Variants in HNF1A observed in about 807,000 individuals in gnomAD.
The protein encoded by HNF1A is hepatocyte nuclear factor 1-alpha.
A neutral mutation model predicts 62.2 loss-of-function variants in HNF1A; 21 were observed. That is an observed-to-expected ratio of 0.34 (90% CI 0.24 to 0.49). The LOEUF is 0.49. Among genes scored for constraint, HNF1A ranks in the 20% least tolerant of loss-of-function variants. HNF1A has a pLI of 0.99. For synonymous variants in HNF1A, 374 were observed against 366.8 expected (o/e 1.02, Z -0.22); for missense variants, 687 against 832.3 (o/e 0.83, Z 2.15).
rs201694197 is a variant in HNF1A, at chr12:120,997,664, C to T, written c.1500C>T (p.His500=). 249 of 1,609,674 alleles carry T rather than the reference C, an allele frequency of 1.5e-4. 1 individual carries two copies. The highest frequency in any genetic ancestry group is 3.5e-4 in the Admixed American group (21 of 59,472). ...CCATGGCTCAGCTGCAGAGCCCCCA[C>T]GGTGAGCGCCCTGTGCCCCACACAG... The part of the protein sequence containing the change: ...MATMAQLQSP[H]ALYSHKPEVA... Residue 500 remains histidine, a splice_region_variant and synonymous_variant, in exon 7 of 10, where the codon CAC becomes CAT. Transcript: ENST00000257555.
At chr12:120,991,753 A>C (rs1876853307) in intron 2 of HNF1A, among the ~76,000 whole-genome samples, 2 of 152,190 alleles carry the variant, frequency 1.3e-5, no homozygotes, top group South Asian at 4.1e-4. Flanking sequence ...CACTTGGAAA[A>C]ACAGTACATT....
In HNF1A at chr12:120,989,681, A is replaced by G. The variant is rs534116446; in HGVS notation, c.526+649A>G. Among the ~76,000 whole-genome samples, 7 of 152,332 alleles carry G rather than the reference A, an allele frequency of 4.6e-5. No individual in the cohort carries two copies. In the East Asian group the frequency reaches 9.6e-4, roughly 21 times the overall value. On this transcript the variant is annotated intron_variant, in intron 2 of 9. Coordinates refer to ENST00000257555, the MANE Select transcript of HNF1A (RefSeq NM_000545.8). ...AGCCACAACAACAACAATAATGGCC[A>G]CTATTTATCATGCATTTTTGGGGTG... is the stretch of plus-strand genomic sequence containing the variant.
intron 1 of HNF1A, among the ~76,000 whole-genome samples, chr12:120,987,435 A>C: frequency 6.8e-6 from 1 of 148,054 alleles, no homozygotes; most frequent in African/African-American, 2.5e-5. Flanking sequence ...AGATCGCGCC[A>C]CTGCACTCGA....
chr12:121,000,639 C>T (rs897738065), intron 9 of HNF1A: 2 of 249,648 alleles, frequency 8.0e-6, no homozygotes, highest in Non-Finnish European at 1.6e-5. Context: ...GGTTTTTGCT[C>T]TTACGGCCTT....
At chr12:120,999,242 T>G (rs557017020) in intron 7 of HNF1A, 26 bp from the exon 8 acceptor site, 2 of 1,613,692 alleles carry the variant, frequency 1.2e-6, no homozygotes, top group East Asian at 4.5e-5. Flanking sequence ...GTCTGCCACG[T>G]CTGCCCCTCT....
Position 120,996,663 on chromosome 12 carries a change from G to C in HNF1A, c.1230G>C (p.Gly410=), listed in dbSNP as rs146605400. The change falls in exon 6 of 10, where the codon GGG becomes GGC. Residue 410 remains glycine, a synonymous_variant. Transcript: ENST00000257555. The surrounding 1 kb of genome is among the most constrained non-coding windows in gnomAD (Gnocchi z 4.5). ...ACCTCATCATGGCCTCACTTCCTGG[G>C]GTCATGACCATCGGGCCTGGTGAGC... ...PQNLIMASLP[G]VMTIGPGEPA... 4 of 1,613,898 alleles carry C rather than the reference G, an allele frequency of 2.5e-6. No individual in the cohort carries two copies. Among genetic ancestry groups the C allele is most frequent in the African/African-American group, 1.3e-5 (1 of 74,870 alleles).
intron 1 of HNF1A, among the ~76,000 whole-genome samples, chr12:120,983,570 G>T (rs1484911744): frequency 6.7e-6 from 1 of 149,650 alleles, no homozygotes; most frequent in Non-Finnish European, 1.5e-5. Flanking sequence ...TTTTGAGATG[G>T]AGTCTCACTC....
At chr12:120,991,293 G>GA (rs940092417) in intron 2 of HNF1A, among the ~76,000 whole-genome samples, 27 of 150,050 alleles carry the variant, frequency 1.8e-4, no homozygotes, top group East Asian at 7.7e-4. Flanking sequence ...AATCACTGTT[G>GA]AAAAAAAAAA....
Position 121,002,223 on chromosome 12 carries a change from C to T in HNF1A, c.*1031C>T, listed in dbSNP as rs1877546223. 1 of 443,710 alleles carries T rather than the reference C, an allele frequency of 2.3e-6. No individual in the cohort carries two copies. The highest frequency in any genetic ancestry group is 2.0e-5 in the African/African-American group (1 of 50,786). The allele number at this position is 443,710 out of a possible 1,614,324, so 27.5% of individuals were successfully genotyped here. A position where few individuals can be genotyped will look rare whatever the true frequency, so the allele number is the denominator to read the frequency against. On this transcript the variant is annotated 3_prime_UTR_variant, in exon 10 of 10. Coordinates refer to ENST00000257555, the MANE Select transcript of HNF1A (RefSeq NM_000545.8). ...GAGCTACCTGTGTGGACAGGACTAA[C>T]ACTCAGAAGCCTGGGGGCCTGGCTG... is the stretch of plus-strand genomic sequence containing the variant.
In HNF1A at chr12:120,999,560, C is replaced by T. The variant is rs1036292246; in HGVS notation, c.1701C>T (p.Val567=). The T allele has an allele frequency of 1.2e-6, 2 of 1,612,856 alleles. No individual in the cohort carries two copies. Among genetic ancestry groups the T allele is most frequent in the African/African-American group, 2.7e-5 (2 of 74,930 alleles). Residue 567 remains valine (V), a synonymous_variant, in exon 9 of 10, where the codon GTC becomes GTT. Transcript: ENST00000257555. Reference sequence around the variant, plus strand: ...CATCTCAGGCCACCACCCTCCACGTCCCCAGCCAGGACCCTGCCAGCATCC... The same window carrying T: ...CATCTCAGGCCACCACCCTCCACGTTCCCAGCCAGGACCCTGCCAGCATCC... ...TPASQATTLH[V]PSQDPASIQH...
intron 9 of HNF1A, among the ~76,000 whole-genome samples, chr12:120,999,872 G>C (rs1472286719): frequency 6.6e-6 from 1 of 152,190 alleles, no homozygotes; most frequent in Non-Finnish European, 1.5e-5. Context: ...TGAGGAAAAT[G>C]ATGAAGTAAT....
chr12:120,986,079 CCTT>C (rs2135828428), intron 1 of HNF1A, among the ~76,000 whole-genome samples: 1 of 152,256 alleles, frequency 6.6e-6, no homozygotes, highest in East Asian at 1.9e-4. Context: ...AGAAAACTGT[CCTT>C]CTCACTCCCA....
chr12:120,978,798 G>A lies in HNF1A; in HGVS notation c.30G>A (p.Thr10=), dbSNP rs746020457. The change falls in exon 1 of 10, where the codon ACG becomes ACA. Residue 10 remains threonine (T), a synonymous_variant. Coordinates refer to ENST00000257555, the MANE Select transcript of HNF1A (RefSeq NM_000545.8). MVSKLSQLQ[T]ELLAALLESG... Reference sequence around the variant, plus strand: ...TTTCTAAACTGAGCCAGCTGCAGACGGAGCTCCTGGCGGCCCTGCTCGAGT... The same window carrying A: ...TTTCTAAACTGAGCCAGCTGCAGACAGAGCTCCTGGCGGCCCTGCTCGAGT... 98 of 1,612,978 alleles carry A rather than the reference G, an allele frequency of 6.1e-5. No homozygotes were observed. The highest frequency in any genetic ancestry group is 7.6e-5 in the Non-Finnish European group (90 of 1,179,882).
chr12:120,997,626 C>A lies in HNF1A; in HGVS notation c.1462C>A (p.Pro488Thr). The A allele has an allele frequency of 6.2e-7, 1 of 1,613,300 alleles. No individual in the cohort carries two copies. Among genetic ancestry groups the A allele is most frequent in the Non-Finnish European group, 8.5e-7 (1 of 1,179,746 alleles). Residue 488 changes from proline to threonine, a missense_variant, in exon 7 of 10, where the codon CCC becomes ACC. Pro to Thr is a conservative substitution (Grantham distance 38). Transcript: ENST00000257555. ...PPVQSHVTQS[P>T]FMATMAQLQS... is the part of the protein sequence containing the mutation. Reference sequence around the variant, plus strand: ...TGTGCAGAGCCATGTGACCCAGAGCCCCTTCATGGCCACCATGGCTCAGCT... The same window carrying A: ...TGTGCAGAGCCATGTGACCCAGAGCACCTTCATGGCCACCATGGCTCAGCT...
chr12:120,995,098 T>G (rs1373555376), intron 4 of HNF1A, among the ~76,000 whole-genome samples: 3 of 117,408 alleles, frequency 2.6e-5, no homozygotes, highest in Admixed American at 8.5e-5. Context: ...ACTCCATTCA[T>G]TCCACTCCAT....
rs1398329188 is a variant in HNF1A, at chr12:121,001,608, C to G, written c.*416C>G. 6.8e-6 allele frequency: 3 copies of G among 439,884 alleles called. No homozygotes were observed. The highest frequency in any genetic ancestry group is 5.9e-5 in the African/African-American group (3 of 50,748). 27.2% of individuals were successfully genotyped at this position (439,884 alleles called of 1,614,324 possible). Reference sequence around the variant, plus strand: ...GGACACAGGCCTGTGTAGCTGTGACCTGCTGAGCTCTGAGAGGCCCTGGAT... The same window carrying G: ...GGACACAGGCCTGTGTAGCTGTGACGTGCTGAGCTCTGAGAGGCCCTGGAT... On this transcript the variant is annotated 3_prime_UTR_variant, in exon 10 of 10. Transcript: ENST00000257555.
At chr12:120,998,662 G>C (rs1009001837) in intron 7 of HNF1A, among the ~76,000 whole-genome samples, 1 of 152,158 alleles carries the variant, frequency 6.6e-6, no homozygotes, top group African/African-American at 2.4e-5. Context: ...CCTAGTGTCT[G>C]TGTGTCTCTT....
chr12:120,994,027 A>C, intron 3 of HNF1A, 137 bp from the exon 4 acceptor site: 1 of 1,168,884 alleles, frequency 8.6e-7, no homozygotes. Context: ...GTCACACAGC[A>C]GACCTGGCAT....
Position 120,996,272 on chromosome 12 carries a change from T to C in HNF1A, c.966T>C (p.Tyr322=), listed in dbSNP as rs781293746. 7 of 1,614,086 alleles carry C rather than the reference T, an allele frequency of 4.3e-6. No individual in the cohort carries two copies. The highest frequency in any genetic ancestry group is 5.9e-6 in the Non-Finnish European group (7 of 1,180,002). ...LSPSKVHGVR[Y]GQPATSETAE... ...TGCTTCCCTCTCCAGGTGTGCGCTA[T>C]GGACAGCCTGCGACCAGTGAGACTG... The change falls in exon 5 of 10, where the codon TAT becomes TAC. Residue 322 remains tyrosine (Y), a synonymous_variant. Transcript: ENST00000257555. The surrounding 1 kb of genome is among the most constrained non-coding windows in gnomAD (Gnocchi z 4.5).
Sources: gnomAD v4.1 joint callset for allele counts (sites outside exome capture counted in the v4.1 genomes callset) on GRCh38, gnomAD v4.1.1 for gene constraint, Gnocchi (gnomAD v3.1) non-coding constraint, MANE v1.5 for transcripts, NCBI Gene and HGNC (gene_info 2026-07-23, HGNC 2026-07-21) for gene names.